PGM5: variants seen among roughly 807,000 people sequenced by gnomAD.
PGM5 encodes phosphoglucomutase-like protein 5.
Under a neutral mutation model 59.2 loss-of-function variants are expected in PGM5, and 23 were observed. The observed-to-expected ratio is 0.39, with a 90% CI of 0.28 to 0.55. PGM5 has a LOEUF of 0.55. Ranked by LOEUF, PGM5 falls within the 20% of genes least tolerant of loss-of-function variation. The pLI is 0.66. For missense variants in PGM5, 574 were observed against 748.3 expected, an observed-to-expected ratio of 0.77 and a Z score of 2.72; for synonymous variants, 214 against 286.0, an observed-to-expected ratio of 0.75 and a Z score of 2.54.
chr9:68,376,801 CTTTCTTTCTTTCTT>C (rs1421574751), intron 1 of PGM5, among the ~76,000 whole-genome samples: 1 of 108,950 alleles, frequency 9.2e-6, no homozygotes. Context: ...TTCTTTCTTT[CTTTCTTTCTTTCTT>C]TCTTTCTTTC....
intron 10 of PGM5, among the ~76,000 whole-genome samples, chr9:68,505,990 CAA>C (rs1824648964): frequency 1.3e-5 from 2 of 152,164 alleles, no homozygotes; most frequent in East Asian, 3.9e-4. Flanking sequence ...GAAATAATAA[CAA>C]AGACTCCTAT....
intron 6 of PGM5, among the ~76,000 whole-genome samples, chr9:68,446,181 A>G (rs1823608343): frequency 6.6e-6 from 1 of 152,240 alleles, no homozygotes; most frequent in African/African-American, 2.4e-5. Context: ...AAGTAATTTA[A>G]ATAATGTCAC....
intron 1 of PGM5, among the ~76,000 whole-genome samples, chr9:68,364,923 C>A (rs1834650654): frequency 6.6e-6 from 1 of 151,864 alleles, no homozygotes; most frequent in Non-Finnish European, 1.5e-5. Flanking sequence ...TTTATTAAAT[C>A]TTGTGATAAA....
At chr9:68,522,865 T>C (rs1824919818) in intron 10 of PGM5, among the ~76,000 whole-genome samples, 1 of 152,164 alleles carries the variant, frequency 6.6e-6, no homozygotes, top group Non-Finnish European at 1.5e-5. Flanking sequence ...CCTTTATTAT[T>C]TCCTTCTGCT....
chr9:68,357,527 C>T, intron 1 of PGM5, 139 bp downstream of exon 1: 1 of 1,464,084 alleles, frequency 6.8e-7, no homozygotes, highest in Non-Finnish European at 9.0e-7. Context: ...CGCGTCCTCA[C>T]CCTCCAGCGC....
At chr9:68,433,635 A>G (rs1346088869) in intron 6 of PGM5, among the ~76,000 whole-genome samples, 2 of 152,190 alleles carry the variant, frequency 1.3e-5, no homozygotes, top group Non-Finnish European at 2.9e-5. Flanking sequence ...TTTATGCATG[A>G]TCTTAAATGT....
At chr9:68,500,467 C>T (rs1824554353) in intron 10 of PGM5, among the ~76,000 whole-genome samples, 1 of 151,868 alleles carries the variant, frequency 6.6e-6, no homozygotes, top group African/African-American at 2.4e-5. Context: ...AGGCTGAGAG[C>T]TATTCTCAGG....
chr9:68,423,015 G>T (rs1823168181), intron 6 of PGM5, among the ~76,000 whole-genome samples: 1 of 152,172 alleles, frequency 6.6e-6, no homozygotes, highest in African/African-American at 2.4e-5. Context: ...TAGAGTAATA[G>T]TCTCCAGTCT....
chr9:68,488,580 C>T (rs1466133960), intron 9 of PGM5, among the ~76,000 whole-genome samples: 1 of 152,184 alleles, frequency 6.6e-6, no homozygotes, highest in Non-Finnish European at 1.5e-5. Context: ...AGGGACCTCC[C>T]TGGCCTCAAT....
intron 1 of PGM5, among the ~76,000 whole-genome samples, chr9:68,365,709 T>C (rs1176060714): frequency 3.0e-4 from 46 of 151,240 alleles, no homozygotes; most frequent in African/African-American, 1.0e-3. Flanking sequence ...TATTTAATTA[T>C]TGCCTTTGTA....
chr9:68,526,839 GA>G (rs924161352), intron 10 of PGM5, among the ~76,000 whole-genome samples: 66 of 152,054 alleles, frequency 4.3e-4, no homozygotes, highest in African/African-American at 1.5e-3. Flanking sequence ...AATTTTCATA[GA>G]AAAAAAGTCT....
chr9:68,520,519 C>T (rs1292519072), intron 10 of PGM5, among the ~76,000 whole-genome samples: 4 of 152,264 alleles, frequency 2.6e-5, no homozygotes, highest in South Asian at 2.1e-4. Context: ...TATTACACCA[C>T]GCAACATCAA....
At chr9:68,360,862 G>A (rs3119652) in intron 1 of PGM5, among the ~76,000 whole-genome samples, 33,429 of 151,702 alleles carry the variant, frequency 0.22, 3,829 homozygotes, top group South Asian at 0.36. Context: ...AATAAAAAAT[G>A]GTTTTTTTAT....
intron 7 of PGM5, among the ~76,000 whole-genome samples, chr9:68,478,124 A>G (rs575603050): frequency 1.3e-5 from 2 of 152,304 alleles, no homozygotes; most frequent in East Asian, 1.9e-4. Flanking sequence ...CTTTACATAC[A>G]GGGCTTTATT....
chr9:68,465,586 C>A (rs1554685740), intron 7 of PGM5, among the ~76,000 whole-genome samples: 1 of 152,134 alleles, frequency 6.6e-6, no homozygotes, highest in Non-Finnish European at 1.5e-5. Context: ...GTGAAGCAAT[C>A]CTCTGTAGCT....
At chr9:68,403,415 A>G (rs1822718325) in intron 6 of PGM5, among the ~76,000 whole-genome samples, 1 of 152,190 alleles carries the variant, frequency 6.6e-6, no homozygotes, top group Non-Finnish European at 1.5e-5. Flanking sequence ...CAATAAATGG[A>G]ATGTTCTCGA....
At chr9:68,508,880 TC>T (rs1197855626) in intron 10 of PGM5, among the ~76,000 whole-genome samples, 1 of 152,220 alleles carries the variant, frequency 6.6e-6, no homozygotes, top group Non-Finnish European at 1.5e-5. Context: ...GTGGTGTCCT[TC>T]CTTGGTGTAC....
chr9:68,433,746 T>A (rs114797307), intron 6 of PGM5, among the ~76,000 whole-genome samples: 337 of 152,328 alleles, frequency 2.2e-3, no homozygotes, highest in Non-Finnish European at 4.1e-3. Flanking sequence ...GTGATAGTGA[T>A]CTTTCACTTT....
chr9:68,380,976 G>A (rs374472), intron 2 of PGM5, among the ~76,000 whole-genome samples: 2,389 of 151,916 alleles, frequency 0.016, 75 homozygotes, highest in African/African-American at 0.054. Flanking sequence ...AGGACCAAAC[G>A]GCTTCATGGC....
Sources: gnomAD v4.1 joint callset for allele counts (sites outside exome capture counted in the v4.1 genomes callset) on GRCh38, gnomAD v4.1.1 for gene constraint, MANE v1.5 for transcripts, NCBI Gene and HGNC (gene_info 2026-07-23, HGNC 2026-07-21) for gene names.